Variants in SLC25A40 observed in about 807,000 individuals in gnomAD.
SLC25A40 encodes the protein solute carrier family 25 member 40.
In SLC25A40, 41 loss-of-function variants were observed where a neutral mutation model predicts 46.5. The observed-to-expected ratio is 0.88, with a 90% confidence interval of 0.69 to 1.14. The LOEUF is 1.14. Among genes scored for constraint, SLC25A40 ranks in the 50% most tolerant of loss-of-function variants. The pLI, the probability that SLC25A40 is intolerant of heterozygous loss-of-function variation, is 0.00. For missense variants in SLC25A40, 386 were observed against 393.6 expected (o/e 0.98, Z 0.16); for synonymous variants, 126 against 127.5 (o/e 0.99, Z 0.08).
chr7:87,875,778 C>T (rs1838993835), intron 1 of SLC25A40, among the ~76,000 whole-genome samples: 1 of 152,226 alleles, frequency 6.6e-6, no homozygotes, highest in Non-Finnish European at 1.5e-5. Flanking sequence ...CACAAAGTGA[C>T]CTGGAGGCGT....
rs1451520067 is a variant in SLC25A40, at chr7:87,838,234, TTCA to T, written c.824-1427_824-1425del. The stretch of plus-strand genomic sequence containing the variant: ...CAAGAACTAAGTTGGCAATTTTTAC[TTCA>T]TGTTTAAATTATTTCATTTAAATTT... On this transcript the variant is annotated intron_variant, in intron 10 of 11. Coordinates refer to ENST00000341119, the MANE Select transcript of SLC25A40 (RefSeq NM_018843.4). 1.2e-4 allele frequency among the ~76,000 whole-genome samples: 18 copies of T among 151,686 alleles called. No homozygotes were observed. The South Asian group carries it at 3.5e-3, about 30-fold the overall frequency.
Position 87,834,490 on chromosome 7 carries a change from A to C in SLC25A40, c.*1759T>G, listed in dbSNP as rs180968735. 51 of 151,618 alleles carry C rather than the reference A, an allele frequency of 3.4e-4. No individual in the cohort carries two copies. The highest frequency in any genetic ancestry group is 5.9e-4 in the Non-Finnish European group (40 of 67,700). 9.4% of individuals were successfully genotyped at this position (151,618 alleles called of 1,614,324 possible). ...TGCATGTATATGTGTTAAAAAAACG[A>C]CTAGGCAATTAGATTTACTTATCTT... On this transcript the variant is annotated 3_prime_UTR_variant, in exon 12 of 12. Coordinates refer to ENST00000341119, the MANE Select transcript of SLC25A40 (RefSeq NM_018843.4).
At chr7:87,844,792 G>A (rs1838386524) in intron 8 of SLC25A40, among the ~76,000 whole-genome samples, 1 of 149,212 alleles carries the variant, frequency 6.7e-6, no homozygotes, top group African/African-American at 2.4e-5. Context: ...GCTACTAAAA[G>A]CTGGGGGGCA....
intron 6 of SLC25A40, among the ~76,000 whole-genome samples, chr7:87,849,319 A>G (rs1017621611): frequency 2.0e-5 from 3 of 152,190 alleles, no homozygotes; most frequent in Non-Finnish European, 4.4e-5. Flanking sequence ...AGTATTCCCC[A>G]TTAGAAGGTT....
chr7:87,841,633 T>C lies in SLC25A40; in HGVS notation c.823A>G (p.Ile275Val). The C allele has an allele frequency of 6.8e-7, 1 of 1,477,764 alleles. No individual in the cohort carries two copies. Among genetic ancestry groups the C allele is most frequent in the Non-Finnish European group, 9.0e-7 (1 of 1,109,238 alleles). The allele number at this position is 1,477,764 out of a possible 1,614,324, so 91.5% of individuals were successfully genotyped here. Residue 275 changes from isoleucine to valine, a missense_variant and splice_region_variant, in exon 10 of 12, where the codon ATT (isoleucine) becomes GTT (valine). Coordinates refer to ENST00000341119, the MANE Select transcript of SLC25A40 (RefSeq NM_018843.4). ...AATATTTTAAATTAATTAAACTTAC[T>C]TTTATGACTTTCATATGTCCAAAGT... Reference protein sequence around the residue: ...TQLWTYESHKISMPLHMSTWI... With the variant: ...TQLWTYESHKVSMPLHMSTWI...
chr7:87,857,028 G>A (rs1331366510), intron 3 of SLC25A40, among the ~76,000 whole-genome samples: 1 of 151,992 alleles, frequency 6.6e-6, no homozygotes, highest in Non-Finnish European at 1.5e-5. Flanking sequence ...TAATTTATTT[G>A]TTCTAATCAT....
chr7:87,836,424 T>C, intron 11 of SLC25A40, 63 bp from the exon 12 acceptor site: 2 of 1,068,828 alleles, frequency 1.9e-6, no homozygotes, highest in South Asian at 2.0e-5. Flanking sequence ...TTAAAAATAT[T>C]ATTTTTTGGC....
chr7:87,848,025 A>G, intron 6 of SLC25A40, 48 bp from the exon 7 acceptor site: 1 of 1,566,738 alleles, frequency 6.4e-7, no homozygotes, highest in Non-Finnish European at 8.6e-7. Context: ...AAAAGATCCC[A>G]CATAGTCTTA....
chr7:87,842,387 A>C (rs1315401727), intron 9 of SLC25A40: 1 of 152,710 alleles, frequency 6.5e-6, no homozygotes, highest in African/African-American at 2.4e-5. Context: ...ATTCTTTTAG[A>C]TATGTTGTTG....
intron 1 of SLC25A40, among the ~76,000 whole-genome samples, chr7:87,863,089 T>A (rs567292230): frequency 6.6e-6 from 1 of 152,336 alleles, no homozygotes; most frequent in East Asian, 1.9e-4. Flanking sequence ...ATATTGCCTC[T>A]TCTGTAGTAT....
At chr7:87,873,908 C>T (rs922851361) in intron 1 of SLC25A40, among the ~76,000 whole-genome samples, 3 of 152,056 alleles carry the variant, frequency 2.0e-5, no homozygotes, top group Admixed American at 6.6e-5. Flanking sequence ...CATAAATAAC[C>T]CTGCCCCCAT....
At chr7:87,842,949 T>C (rs1402643348) in intron 9 of SLC25A40, among the ~76,000 whole-genome samples, 2 of 152,122 alleles carry the variant, frequency 1.3e-5, no homozygotes, top group African/African-American at 2.4e-5. Context: ...TAGGATTAAT[T>C]TGAAAGATCT....
At chr7:87,872,135 T>A (rs1438096602) in intron 1 of SLC25A40, among the ~76,000 whole-genome samples, 1 of 152,206 alleles carries the variant, frequency 6.6e-6, no homozygotes, top group African/African-American at 2.4e-5. Context: ...TTCACAGGAA[T>A]CATAACCTCT....
intron 5 of SLC25A40, among the ~76,000 whole-genome samples, chr7:87,851,653 T>C (rs906646043): frequency 1.3e-5 from 2 of 152,126 alleles, no homozygotes; most frequent in African/African-American, 4.8e-5. Flanking sequence ...GTGGAAACCA[T>C]ATAGAAAGCC....
At chr7:87,848,986 T>C (rs551393472) in intron 6 of SLC25A40, among the ~76,000 whole-genome samples, 1 of 152,318 alleles carries the variant, frequency 6.6e-6, no homozygotes, top group East Asian at 1.9e-4. Flanking sequence ...TGGGAATAAA[T>C]GAGACAGCAA....
At chr7:87,856,086 T>C (rs1032879547) in intron 4 of SLC25A40, among the ~76,000 whole-genome samples, 2 of 152,114 alleles carry the variant, frequency 1.3e-5, no homozygotes, top group Non-Finnish European at 2.9e-5. Flanking sequence ...TTGCTTTAAT[T>C]AGTAGGTCCA....
chr7:87,852,931 A>G (rs1838540829), intron 5 of SLC25A40, among the ~76,000 whole-genome samples: 7 of 152,246 alleles, frequency 4.6e-5, no homozygotes, highest in Admixed American at 4.6e-4. Flanking sequence ...GTAACAGTAG[A>G]TAAAAAGCTC....
intron 2 of SLC25A40, among the ~76,000 whole-genome samples, chr7:87,859,785 T>C (rs1838670460): frequency 6.6e-6 from 1 of 152,184 alleles, no homozygotes; most frequent in Non-Finnish European, 1.5e-5. Context: ...TGTTGCCAAT[T>C]TCCAAACTAT....
At chr7:87,836,609 T>C (rs924685181) in intron 11 of SLC25A40, 121 bp downstream of exon 11, 4 of 572,236 alleles carry the variant, frequency 7.0e-6, no homozygotes, top group African/African-American at 2.0e-5. Flanking sequence ...ATAATAAAGA[T>C]ATTTAGGAGA....
Sources: gnomAD v4.1 joint callset for allele counts (sites outside exome capture counted in the v4.1 genomes callset) on GRCh38, gnomAD v4.1.1 for gene constraint, MANE v1.5 for transcripts, NCBI Gene and HGNC (gene_info 2026-07-23, HGNC 2026-07-21) for gene names.